Variants in FUT9 observed in about 807,000 individuals in gnomAD.
FUT9 encodes fucosyltransferase 9, also known as 4-galactosyl-N-acetylglucosaminide 3-alpha-L-fucosyltransferase 9.
FUT9 carries 15 observed loss-of-function variants against 29.7 expected under a neutral mutation model. That is an observed-to-expected ratio of 0.51 (90% CI 0.34 to 0.78). The LOEUF is 0.78. Ranked by LOEUF, FUT9 falls within the 30% of genes least tolerant of loss-of-function variation. The pLI, the probability that FUT9 is intolerant of heterozygous loss-of-function variation, is 0.01. For synonymous variants in FUT9, 169 were observed against 153.7 expected, an observed-to-expected ratio of 1.10 and a Z score of -0.74; for missense variants, 319 against 425.4, an observed-to-expected ratio of 0.75 and a Z score of 2.20.
chr6:96,193,729 T>A (rs1397487519), intron 2 of FUT9, among the ~76,000 whole-genome samples: 1 of 152,132 alleles, frequency 6.6e-6, no homozygotes, highest in Non-Finnish European at 1.5e-5. Flanking sequence ...TTATAAATCA[T>A]GCTGCTATAA....
At chr6:96,060,646 C>T (rs914731319) in intron 1 of FUT9, among the ~76,000 whole-genome samples, 1 of 152,022 alleles carries the variant, frequency 6.6e-6, no homozygotes, top group East Asian at 1.9e-4. Context: ...AAGCAATTCT[C>T]CTGCCTCAGC....
rs1409202895 is a variant in FUT9 at position 96,209,020 on chromosome 6, A to G, written c.*4785A>G. 1.2e-5 allele frequency: 2 copies of G among 166,746 alleles called. No individual in the cohort carries two copies. The highest frequency in any genetic ancestry group is 2.9e-5 in the Non-Finnish European group (2 of 67,968). 10.3% of individuals were successfully genotyped at this position (166,746 alleles called of 1,614,324 possible). A position where few individuals can be genotyped will look rare whatever the true frequency, so the allele number is the denominator to read the frequency against. ...TCATATTGAATATATCCATATTCAT[A>G]TGCATTTTATAAAACAGTTAACAGA... On this transcript the variant is annotated 3_prime_UTR_variant, in exon 3 of 3. Coordinates refer to ENST00000302103, the MANE Select transcript of FUT9 (RefSeq NM_006581.4).
intron 1 of FUT9, among the ~76,000 whole-genome samples, chr6:96,061,250 C>T (rs1181014929): frequency 2.8e-5 from 2 of 70,924 alleles, no homozygotes; most frequent in South Asian, 5.8e-4. Flanking sequence ...ACTACATCTC[C>T]CCTTAAGAAT....
chr6:96,212,641 G>A lies in FUT9; in HGVS notation c.*8406G>A, dbSNP rs1773960318. On this transcript the variant is annotated 3_prime_UTR_variant, in exon 3 of 3. Coordinates refer to ENST00000302103, the MANE Select transcript of FUT9 (RefSeq NM_006581.4). Reference sequence around the variant, plus strand: ...AAGGTAAATAATGTATGAGATGAAGGTAGGAAGTAATGTGTGCTTGCAGAA... The same window carrying A: ...AAGGTAAATAATGTATGAGATGAAGATAGGAAGTAATGTGTGCTTGCAGAA... 2 of 285,306 alleles carry A rather than the reference G, an allele frequency of 7.0e-6. No homozygotes were observed. Among genetic ancestry groups the A allele is most frequent in the East Asian group, 1.3e-4 (2 of 15,566 alleles). 17.7% of individuals were successfully genotyped at this position (285,306 alleles called of 1,614,324 possible). A position where few individuals can be genotyped will look rare whatever the true frequency, so the allele number is the denominator to read the frequency against.
At chr6:96,123,812 G>GA (rs923113841) in intron 2 of FUT9, among the ~76,000 whole-genome samples, 3 of 151,840 alleles carry the variant, frequency 2.0e-5, no homozygotes, top group African/African-American at 4.8e-5. Context: ...TAACTTATGA[G>GA]AAAAAAATCA....
At chr6:96,087,122 A>G (rs749442699) in intron 1 of FUT9, among the ~76,000 whole-genome samples, 5 of 152,186 alleles carry the variant, frequency 3.3e-5, no homozygotes, top group South Asian at 4.1e-4. Context: ...TTAGATAAAG[A>G]AAATGACATT....
intron 1 of FUT9, among the ~76,000 whole-genome samples, chr6:96,068,607 T>G (rs1300351974): frequency 2.6e-5 from 4 of 152,196 alleles, no homozygotes; most frequent in African/African-American, 9.7e-5. Flanking sequence ...CTGAATAAAT[T>G]GAAAAATAAA....
intron 2 of FUT9, among the ~76,000 whole-genome samples, chr6:96,114,573 C>G (rs894977690): frequency 6.6e-6 from 1 of 150,686 alleles, no homozygotes; most frequent in African/African-American, 2.4e-5. Context: ...GTAGATAATG[C>G]CTGTACCAAT....
At position 96,203,444 on chromosome 6, in the gene FUT9, C is replaced by T. The variant is rs759093263; in HGVS notation, c.289C>T (p.Arg97Cys). 3.7e-6 allele frequency: 6 copies of T among 1,607,030 alleles called. No individual in the cohort carries two copies. The highest frequency in any genetic ancestry group is 1.3e-5 in the African/African-American group (1 of 74,818). Reference sequence around the variant, plus strand: ...CCAAGGATGCCATCTCACAACGGACCGTTCACTGTACAACAAATCCCATGC... The same window carrying T: ...CCAAGGATGCCATCTCACAACGGACTGTTCACTGTACAACAAATCCCATGC... ...NIQGCHLTTD[R>C]SLYNKSHAVL... Residue 97 changes from arginine to cysteine, a missense_variant, in exon 3 of 3, where the codon CGT becomes TGT. By Grantham distance (180) the Arg-to-Cys change is radical (BLOSUM62 -3). Transcript: ENST00000302103.
At chr6:96,130,157 C>T (rs9404271) in intron 2 of FUT9, among the ~76,000 whole-genome samples, 135,701 of 152,000 alleles carry the variant, frequency 0.89, 61,737 homozygotes, top group East Asian at 0.99. Context: ...GTACTTTTTA[C>T]TTGACAAGTA....
intron 1 of FUT9, among the ~76,000 whole-genome samples, chr6:96,111,393 A>C (rs1771803674): frequency 6.6e-6 from 1 of 152,132 alleles, no homozygotes. Flanking sequence ...TTTTCTCCCT[A>C]TACATAATAG....
At chr6:96,184,418 G>GT (rs1361053072) in intron 2 of FUT9, among the ~76,000 whole-genome samples, 3 of 151,522 alleles carry the variant, frequency 2.0e-5, no homozygotes, top group Non-Finnish European at 4.4e-5. Context: ...TATATCTTTT[G>GT]TTTTTTTGTT....
chr6:96,105,146 T>C (rs990045080), intron 1 of FUT9, among the ~76,000 whole-genome samples: 1 of 152,210 alleles, frequency 6.6e-6, no homozygotes, highest in Non-Finnish European at 1.5e-5. Flanking sequence ...CAAAAGGAGA[T>C]AAATCTGTTT....
intron 1 of FUT9, among the ~76,000 whole-genome samples, chr6:96,074,091 A>G (rs186010835): frequency 9.2e-5 from 14 of 152,300 alleles, no homozygotes; most frequent in African/African-American, 3.4e-4. Flanking sequence ...TTCCAGTTCT[A>G]AAAACCTGTT....
chr6:96,208,762 A>C lies in FUT9; in HGVS notation c.*4527A>C, dbSNP rs950007822. On this transcript the variant is annotated 3_prime_UTR_variant, in exon 3 of 3. Coordinates refer to ENST00000302103, the MANE Select transcript of FUT9 (RefSeq NM_006581.4). ...TAACATATCAACTGTTTCTAAAAGG[A>C]AAGAAAATTAGTATTTAAGGAGAGT... 3 of 166,850 alleles carry C rather than the reference A, an allele frequency of 1.8e-5. No homozygotes were observed. Among genetic ancestry groups the C allele is most frequent in the Non-Finnish European group, 4.4e-5 (3 of 68,006 alleles). The allele number at this position is 166,850 out of a possible 1,614,324, so 10.3% of individuals were successfully genotyped here.
chr6:96,070,847 A>G (rs1771047942), intron 1 of FUT9, among the ~76,000 whole-genome samples: 1 of 152,164 alleles, frequency 6.6e-6, no homozygotes, highest in Non-Finnish European at 1.5e-5. Flanking sequence ...TTCTCTTTCA[A>G]TCATTTTTCT....
intron 1 of FUT9, among the ~76,000 whole-genome samples, chr6:96,042,692 C>G (rs945131860): frequency 1.3e-5 from 2 of 152,022 alleles, no homozygotes; most frequent in Non-Finnish European, 2.9e-5. Context: ...AGCCCCAAAC[C>G]CTCCTTTTTT....
chr6:96,026,822 G>A (rs1770177535), intron 1 of FUT9, among the ~76,000 whole-genome samples: 1 of 151,392 alleles, frequency 6.6e-6, no homozygotes, highest in African/African-American at 2.4e-5. Context: ...CATCATATTG[G>A]CCTTATATAT....
At chr6:96,164,404 G>A (rs9499351) in intron 2 of FUT9, among the ~76,000 whole-genome samples, 6,376 of 151,894 alleles carry the variant, frequency 0.042, 159 homozygotes, top group African/African-American at 0.078. Flanking sequence ...GACTACAGGC[G>A]CCTGCCACCG....
Sources: gnomAD v4.1 joint callset for allele counts (sites outside exome capture counted in the v4.1 genomes callset) on GRCh38, gnomAD v4.1.1 for gene constraint, MANE v1.5 for transcripts, NCBI Gene and HGNC (gene_info 2026-07-23, HGNC 2026-07-21) for gene names.